Variants in ERICH1 observed in about 807,000 individuals in gnomAD.
ERICH1 encodes the protein glutamate rich 1, also known as glutamate-rich protein 1.
In ERICH1, 56 loss-of-function variants were observed where a neutral mutation model predicts 39.6. The ratio of observed to expected loss-of-function variants is 1.41; its 90% CI spans 1.14 to 1.77. ERICH1 has a LOEUF of 1.77. Ranked by LOEUF, ERICH1 falls within the 40% of genes most tolerant of loss-of-function variation. ERICH1 has a pLI of 0.00. For synonymous variants in ERICH1, 313 were observed against 223.6 expected (o/e 1.40, Z -3.57); for missense variants, 826 against 575.4 (o/e 1.44, Z -4.45).
chr8:625,419 T>C (rs1009332134), intron 3 of ERICH1, among the ~76,000 whole-genome samples: 3 of 151,838 alleles, frequency 2.0e-5, no homozygotes, highest in Non-Finnish European at 4.4e-5. Context: ...TCCACAGAAG[T>C]GGACAAATCT....
Position 692,349 on chromosome 8 carries a change from T to C in ERICH1, c.304+129A>G, listed in dbSNP as rs1306575812. The C allele has an allele frequency of 3.8e-6, 5 of 1,318,086 alleles. No homozygotes were observed. The African/African-American group carries it at 4.5e-5, about 12-fold the overall frequency. The allele number at this position is 1,318,086 out of a possible 1,614,324, so 81.6% of individuals were successfully genotyped here. On this transcript the variant is annotated intron_variant, in intron 3 of 5. Coordinates refer to ENST00000262109, the MANE Select transcript of ERICH1 (RefSeq NM_207332.3). ...CAAAGGTACACCATGTGGTTCATTA[T>C]ACAGTGTAACAACATGCTCACCCAC...
At chr8:677,267 G>C (rs1355910891) in intron 3 of ERICH1, among the ~76,000 whole-genome samples, 3 of 152,232 alleles carry the variant, frequency 2.0e-5, no homozygotes, top group African/African-American at 7.2e-5. Context: ...ATTGGATGTA[G>C]ACACCCCCCA....
In ERICH1 at chr8:668,728, A is replaced by C. The variant is rs2271263; in HGVS notation, c.1128T>G (p.Leu376=). 3.7e-6 allele frequency: 6 copies of C among 1,613,884 alleles called. No individual in the cohort carries two copies. The highest frequency in any genetic ancestry group is 1.3e-5 in the African/African-American group (1 of 75,028). ...ADAAEELLDR[L]ASHSMLPSDV... ...CTGAGGGCAGCATGCTGTGTGACGC[A>C]AGGCGGTCCAGCAGCTCCTCAGCGG... is the stretch of plus-strand genomic sequence containing the variant. Residue 376 remains leucine (L), a synonymous_variant, in exon 5 of 6, where the codon CTT becomes CTG. Transcript: ENST00000262109.
At chr8:712,749 A>C (rs1012751260) in intron 2 of ERICH1, among the ~76,000 whole-genome samples, 1 of 152,260 alleles carries the variant, frequency 6.6e-6, no homozygotes, top group Admixed American at 6.5e-5. Context: ...GCTGACATAT[A>C]GGAAAGCAGT....
At chr8:702,359 C>A (rs1440459440) in intron 2 of ERICH1, among the ~76,000 whole-genome samples, 1 of 152,158 alleles carries the variant, frequency 6.6e-6, no homozygotes, top group African/African-American at 2.4e-5. Flanking sequence ...AGTGAGCACA[C>A]AGCGGCACAG....
At chr8:691,365 G>A (rs1367125631) in intron 3 of ERICH1, among the ~76,000 whole-genome samples, 1 of 152,356 alleles carries the variant, frequency 6.6e-6, no homozygotes, top group East Asian at 1.9e-4. Flanking sequence ...GCCTGTCTGG[G>A]AAGCAGTGTT....
At chr8:677,145 C>T (rs1372051995) in intron 3 of ERICH1, among the ~76,000 whole-genome samples, 1 of 152,248 alleles carries the variant, frequency 6.6e-6, no homozygotes. Flanking sequence ...CAGCTGCGGA[C>T]ACCGCAAGCT....
At chr8:698,143 C>A (rs1488703256) in intron 2 of ERICH1, among the ~76,000 whole-genome samples, 1 of 152,180 alleles carries the variant, frequency 6.6e-6, no homozygotes, top group Admixed American at 6.5e-5. Context: ...TAACATACAG[C>A]CAAAGACAGA....
At chr8:669,982 G>A (rs62487375) in intron 4 of ERICH1, among the ~76,000 whole-genome samples, 4,726 of 152,160 alleles carry the variant, frequency 0.031, 103 homozygotes, top group African/African-American at 0.058. Flanking sequence ...CCCCCGCTCC[G>A]TCCTCTCTCC....
chr8:687,395 G>A (rs892793580), intron 3 of ERICH1, among the ~76,000 whole-genome samples: 2 of 152,234 alleles, frequency 1.3e-5, no homozygotes. Context: ...AAGGCTCCTC[G>A]GGGAATAAAA....
intron 3 of ERICH1, among the ~76,000 whole-genome samples, chr8:650,485 T>C (rs1392969809): frequency 4.6e-5 from 7 of 152,144 alleles, no homozygotes; most frequent in Admixed American, 4.6e-4. Context: ...TGTCACATCC[T>C]AACGTGAGGA....
intron 3 of ERICH1, chr8:616,542 A>C (rs1356770890): frequency 2.2e-6 from 1 of 456,064 alleles, no homozygotes; most frequent in Non-Finnish European, 4.4e-6. Flanking sequence ...CACAACACGC[A>C]CATCTGGGAA....
At chr8:687,394 C>T (rs1243629152) in intron 3 of ERICH1, among the ~76,000 whole-genome samples, 1 of 152,238 alleles carries the variant, frequency 6.6e-6, no homozygotes, top group Non-Finnish European at 1.5e-5. Context: ...TAAGGCTCCT[C>T]GGGGAATAAA....
In ERICH1 at chr8:693,215, T is replaced by C. The variant is rs146286487; in HGVS notation, c.170-603A>G. On this transcript the variant is annotated intron_variant, in intron 2 of 5. Coordinates refer to ENST00000262109, the MANE Select transcript of ERICH1 (RefSeq NM_207332.3). ...CAACAAACACACACAGACACAGACA[T>C]GTACAGAGACACACAGAGAGATACA... Among the ~76,000 whole-genome samples the C allele has an allele frequency of 3.6e-3, 552 of 151,524 alleles. 6 individuals are homozygous for C. The highest frequency in any genetic ancestry group is 0.01 in the Middle Eastern group (3 of 294).
At chr8:683,431 G>A (rs1255384139) in intron 3 of ERICH1, among the ~76,000 whole-genome samples, 5 of 152,230 alleles carry the variant, frequency 3.3e-5, no homozygotes, top group African/African-American at 1.2e-4. Flanking sequence ...AGCCGTGAGG[G>A]TCAGCAGGTG....
chr8:703,674 G>A (rs1462299590), intron 2 of ERICH1, among the ~76,000 whole-genome samples: 4 of 152,174 alleles, frequency 2.6e-5, no homozygotes, highest in South Asian at 2.1e-4. Flanking sequence ...ACTCTGAGAC[G>A]CAGTGACAAA....
Position 700,372 on chromosome 8 carries a change from G to C in ERICH1, c.170-7760C>G, listed in dbSNP as rs553851027. Among the ~76,000 whole-genome samples, 34 of 21,146 alleles carry C rather than the reference G, an allele frequency of 1.6e-3. 4 individuals carry two copies. Among genetic ancestry groups the C allele is most frequent in the South Asian group, 6.1e-3 (3 of 490 alleles). 13.9% of individuals were successfully genotyped at this position (21,146 alleles called of 152,430 possible). A position where few individuals can be genotyped will look rare whatever the true frequency, so the allele number is the denominator to read the frequency against. ...CCGCACACGCGCACAGGCCCGCACA[G>C]GCGCACAGGCCCGCACACGCGCACA... On this transcript the variant is annotated intron_variant, in intron 2 of 5. Coordinates refer to ENST00000262109, the MANE Select transcript of ERICH1 (RefSeq NM_207332.3).
intron 3 of ERICH1, among the ~76,000 whole-genome samples, chr8:630,501 CCA>C (rs1243037410): frequency 5.7e-5 from 7 of 122,566 alleles, no homozygotes; most frequent in African/African-American, 1.3e-4. Context: ...CTGTGACCAC[CCA>C]CACAGACAGA....
At chr8:679,150 GCCCCTCACAGCTCCCA>G (rs1368487840) in intron 3 of ERICH1, among the ~76,000 whole-genome samples, 2 of 134,264 alleles carry the variant, frequency 1.5e-5, no homozygotes, top group Non-Finnish European at 1.6e-5. Flanking sequence ...CAAAGCTCCG[GCCCCTCACAGCTCCCA>G]CCCCTCACAG....
Sources: allele counts gnomAD v4.1 joint callset (sites outside exome capture counted in the v4.1 genomes callset), GRCh38; gene constraint gnomAD v4.1.1; transcripts MANE v1.5; gene names NCBI Gene and HGNC (gene_info 2026-07-23, HGNC 2026-07-21).